Variants in HMGCLL1 observed in about 807,000 individuals in gnomAD.
The protein encoded by HMGCLL1 is 3-hydroxy-3-methylglutaryl-CoA lyase like 1.
In HMGCLL1, 36 loss-of-function variants were observed where a neutral mutation model predicts 39.1. The ratio of observed to expected loss-of-function variants is 0.92; its 90% CI spans 0.71 to 1.22. The LOEUF is 1.22. Ranked by LOEUF, HMGCLL1 falls within the 50% of genes most tolerant of loss-of-function variation. HMGCLL1 has a pLI of 0.00. For synonymous variants in HMGCLL1, 149 were observed against 144.0 expected (o/e 1.03, Z -0.25); for missense variants, 451 against 416.5 (o/e 1.08, Z -0.72).
chr6:55,567,224 G>C (rs1008748795), intron 1 of HMGCLL1, among the ~76,000 whole-genome samples: 6 of 151,830 alleles, frequency 4.0e-5, no homozygotes, highest in African/African-American at 1.5e-4. Context: ...GGATACAAAA[G>C]AAATAGTCTT....
chr6:55,574,391 C>T (rs1230847608), intron 1 of HMGCLL1, among the ~76,000 whole-genome samples: 3 of 151,366 alleles, frequency 2.0e-5, no homozygotes, highest in Non-Finnish European at 3.0e-5. Flanking sequence ...ACGTAAAAGG[C>T]AGAGGACAGA....
chr6:55,481,925 G>A (rs1217876149), intron 7 of HMGCLL1, among the ~76,000 whole-genome samples: 1 of 151,954 alleles, frequency 6.6e-6, no homozygotes, highest in Non-Finnish European at 1.5e-5. Context: ...AACATTTCAA[G>A]TTAAATGCTC....
intron 7 of HMGCLL1, 188 bp from the exon 8 acceptor site, chr6:55,439,747 T>C (rs2127380309): frequency 2.2e-6 from 1 of 458,116 alleles, no homozygotes; most frequent in East Asian, 3.3e-5. Flanking sequence ...ATCTCGTCTT[T>C]GAGGCTAACA....
chr6:55,604,302 T>C, the HMGCLL1 span, among the ~76,000 whole-genome samples: 5 of 152,130 alleles, frequency 3.3e-5, no homozygotes, highest in African/African-American at 7.2e-5. Context: ...AAGAAAATCA[T>C]ATACATTCTT....
chr6:55,533,165 G>C (rs1448505809), intron 3 of HMGCLL1, among the ~76,000 whole-genome samples: 1 of 151,304 alleles, frequency 6.6e-6, no homozygotes, highest in East Asian at 1.9e-4. Context: ...ACTTGTATAG[G>C]ATATAAATCA....
intron 5 of HMGCLL1, among the ~76,000 whole-genome samples, chr6:55,506,950 G>A (rs1006281392): frequency 1.3e-5 from 2 of 151,664 alleles, no homozygotes; most frequent in African/African-American, 2.4e-5. Context: ...CTTTGCTGTC[G>A]TACCTCAAAC....
intron 1 of HMGCLL1, chr6:55,577,095 C>T (rs1366977292): frequency 6.2e-7 from 1 of 1,613,416 alleles, no homozygotes. Context: ...ATACAAGCCA[C>T]CGTGCCTGCC....
rs1767401479 is a variant in HMGCLL1, at chr6:55,510,554, C to G, written c.542+3494G>C. ...ACTATCGCAAGGACAAAAAACCAAA[C>G]ACCGCATGTTCTCACTCATAGATGG... is the stretch of plus-strand genomic sequence containing the variant. On this transcript the variant is annotated intron_variant, in intron 5 of 8. Coordinates refer to ENST00000274901, the MANE Select transcript of HMGCLL1 (RefSeq NM_001042406.2). Among the ~76,000 whole-genome samples the G allele has an allele frequency of 2.1e-5, 3 of 145,670 alleles. No homozygotes were observed. In the South Asian group the frequency reaches 6.4e-4, roughly 31 times the overall value.
At position 55,501,959 on chromosome 6, in the gene HMGCLL1, G is replaced by A. The variant is rs148772894; in HGVS notation, c.543-2660C>T. Among the ~76,000 whole-genome samples, 930 of 151,828 alleles carry A rather than the reference G, an allele frequency of 6.1e-3. 9 individuals are homozygous for A. Among genetic ancestry groups the A allele is most frequent in the African/African-American group, 0.02 (833 of 41,478 alleles). ...TGGTGGTTAAGTTTTACCCAGACCCGTTCCAAATGATTTCTACTTTTCTGA... is the reference window on the plus strand; with the variant it reads ...TGGTGGTTAAGTTTTACCCAGACCCATTCCAAATGATTTCTACTTTTCTGA... On this transcript the variant is annotated intron_variant, in intron 5 of 8. Transcript: ENST00000274901.
chr6:55,494,339 C>A (rs1316162421), intron 7 of HMGCLL1, among the ~76,000 whole-genome samples: 1 of 79,542 alleles, frequency 1.3e-5, no homozygotes, highest in Non-Finnish European at 2.9e-5. Context: ...AACAGCCCTT[C>A]AGAAAAATAA....
chr6:55,543,637 T>C (rs1769780102), intron 1 of HMGCLL1, among the ~76,000 whole-genome samples: 1 of 146,310 alleles, frequency 6.8e-6, no homozygotes, highest in South Asian at 2.1e-4. Context: ...CATATTTGCT[T>C]GAGCCCAGGA....
the HMGCLL1 span, among the ~76,000 whole-genome samples, chr6:55,661,023 A>G: frequency 1.3e-5 from 2 of 151,922 alleles, no homozygotes; most frequent in Non-Finnish European, 2.9e-5. Flanking sequence ...TCTTTTGAAA[A>G]GGGTCTGTTT....
the HMGCLL1 span, among the ~76,000 whole-genome samples, chr6:55,677,582 G>A: frequency 6.6e-6 from 1 of 152,142 alleles, no homozygotes; most frequent in Admixed American, 6.5e-5. Flanking sequence ...TTTGGGGATT[G>A]CACTAAAGTA....
intron 1 of HMGCLL1, among the ~76,000 whole-genome samples, chr6:55,543,553 T>G (rs547622871): frequency 7.8e-6 from 1 of 128,442 alleles, no homozygotes; most frequent in African/African-American, 2.9e-5. Context: ...TTTACATATA[T>G]ATTTATATAT....
At chr6:55,478,325 A>G (rs1264443294) in intron 7 of HMGCLL1, among the ~76,000 whole-genome samples, 2 of 151,532 alleles carry the variant, frequency 1.3e-5, no homozygotes, top group East Asian at 3.9e-4. Flanking sequence ...CCGAAAATCA[A>G]TAAAGGCTTT....
upstream of HMGCLL1, among the ~76,000 whole-genome samples, chr6:55,582,170 A>G (rs1771996959): frequency 6.6e-6 from 1 of 152,168 alleles, no homozygotes; most frequent in Admixed American, 6.5e-5. Flanking sequence ...TCTAACAGGG[A>G]CTGAGTGACC....
chr6:55,445,783 T>G (rs1418648850), intron 7 of HMGCLL1, among the ~76,000 whole-genome samples: 1 of 152,078 alleles, frequency 6.6e-6, no homozygotes. Context: ...ATTTTTGTTT[T>G]TGAAGAAAAG....
intron 3 of HMGCLL1, among the ~76,000 whole-genome samples, chr6:55,525,715 T>C (rs1293125413): frequency 6.6e-6 from 1 of 151,966 alleles, no homozygotes; most frequent in Non-Finnish European, 1.5e-5. Context: ...TATTCTGTAT[T>C]GGCCCCAATG....
chr6:55,633,745 A>T, the HMGCLL1 span, among the ~76,000 whole-genome samples: 1 of 152,032 alleles, frequency 6.6e-6, no homozygotes, highest in African/African-American at 2.4e-5. Flanking sequence ...AATAATCATC[A>T]GGAAGCTCTG....
Sources: gnomAD v4.1 joint callset for allele counts (sites outside exome capture counted in the v4.1 genomes callset) on GRCh38, gnomAD v4.1.1 for gene constraint, MANE v1.5 for transcripts, NCBI Gene and HGNC (gene_info 2026-07-23, HGNC 2026-07-21) for gene names.